SETD5: variants seen among roughly 807,000 people sequenced by gnomAD.
The protein encoded by SETD5 is histone-lysine N-methyltransferase SETD5.
Under a neutral mutation model 153.3 loss-of-function variants are expected in SETD5, and 44 were observed. The observed-to-expected ratio is 0.29, with a 90% CI of 0.23 to 0.37. SETD5 has a LOEUF of 0.37. Ranked by LOEUF, SETD5 falls within the 10% of genes least tolerant of loss-of-function variation. The pLI, the probability that SETD5 is intolerant of heterozygous loss-of-function variation, is 1.00. For synonymous variants in SETD5, 716 were observed against 645.2 expected, an observed-to-expected ratio of 1.11 and a Z score of -1.66; for missense variants, 1,544 against 1,768.0, an observed-to-expected ratio of 0.87 and a Z score of 2.27.
chr3:9,422,671 G>C (rs1486680679), intron 1 of SETD5, among the ~76,000 whole-genome samples: 2 of 152,168 alleles, frequency 1.3e-5, no homozygotes, highest in Admixed American at 6.5e-5. Flanking sequence ...TGAGAAAATG[G>C]CTTGTTCTTA....
In SETD5 at chr3:9,434,547, A is replaced by G. The variant is rs2040341684; in HGVS notation, c.329+62A>G. The G allele has an allele frequency of 5.6e-6, 9 of 1,605,538 alleles. No individual in the cohort carries two copies. Among genetic ancestry groups the G allele is most frequent in the Middle Eastern group, 3.4e-4 (2 of 5,864 alleles). Reference sequence around the variant, plus strand: ...GCTGGGATTAGGGTTTCTTACAAGTAGGGAAAAGCTCAAAGTATTCTTTCT... The same window carrying G: ...GCTGGGATTAGGGTTTCTTACAAGTGGGGAAAAGCTCAAAGTATTCTTTCT... On this transcript the variant is annotated intron_variant, in intron 5 of 22. Transcript: ENST00000402198. The surrounding 1 kb of genome is among the most constrained non-coding windows in gnomAD (Gnocchi z 5.6).
rs564008502 is a variant in SETD5 at position 9,474,702 on chromosome 3, A to G, written c.3631+120A>G. 53 of 1,387,134 alleles carry G rather than the reference A, an allele frequency of 3.8e-5. No individual in the cohort carries two copies. In the African/African-American group the frequency reaches 5.5e-4, roughly 14 times the overall value. 85.9% of individuals were successfully genotyped at this position (1,387,134 alleles called of 1,614,324 possible). A position where few individuals can be genotyped will look rare whatever the true frequency, so the allele number is the denominator to read the frequency against. On this transcript the variant is annotated intron_variant, in intron 21 of 22. Coordinates refer to ENST00000402198, the MANE Select transcript of SETD5 (RefSeq NM_001080517.3). ...TTCTGATGCAGTTGGGCTCCACCGC[A>G]TGCTAGGTTCCAGCCCACTTATGCT...
chr3:9,435,993 G>T, intron 7 of SETD5, 87 bp downstream of exon 7: 1 of 1,315,702 alleles, frequency 7.6e-7, no homozygotes, highest in Non-Finnish European at 1.0e-6. Flanking sequence ...CTTTTAAGAA[G>T]TTTGATCCAG....
chr3:9,433,048 A>G lies in SETD5; in HGVS notation c.72-797A>G, dbSNP rs529041899. ...TCTTCCCACTCTGTAAAAATGGAGT[A>G]TATACCATGTTTAGTGGTTGCTGAA... On this transcript the variant is annotated intron_variant, in intron 3 of 22. Transcript: ENST00000402198. Among the ~76,000 whole-genome samples, 46 of 152,352 alleles carry G rather than the reference A, an allele frequency of 3.0e-4. 1 individual carries two copies. The highest frequency in any genetic ancestry group is 6.8e-3 in the Middle Eastern group (2 of 294).
At chr3:9,411,693 A>G (rs542155015) in intron 1 of SETD5, among the ~76,000 whole-genome samples, 8 of 152,360 alleles carry the variant, frequency 5.3e-5, no homozygotes, top group African/African-American at 1.9e-4. Context: ...CAACATAAGC[A>G]TCCAGTAAAT....
chr3:9,425,051 G>GTTTATT (rs1559380190), intron 2 of SETD5, among the ~76,000 whole-genome samples: 1 of 91,454 alleles, frequency 1.1e-5, no homozygotes, highest in Non-Finnish European at 2.2e-5. Flanking sequence ...TACCGACAAT[G>GTTTATT]TTTCTTTTTT....
intron 1 of SETD5, among the ~76,000 whole-genome samples, chr3:9,420,775 C>T (rs2038256770): frequency 6.6e-6 from 1 of 151,996 alleles, no homozygotes; most frequent in Non-Finnish European, 1.5e-5. Context: ...TAGAGTTCAT[C>T]TCTTTGTTTT....
chr3:9,413,854 T>C (rs1025037067), intron 1 of SETD5, among the ~76,000 whole-genome samples: 11 of 152,114 alleles, frequency 7.2e-5, no homozygotes, highest in Non-Finnish European at 1.5e-4. Context: ...CTCTTCTCAC[T>C]GCAACCTCTG....
chr3:9,425,242 T>C (rs1333000289), intron 2 of SETD5, among the ~76,000 whole-genome samples: 1 of 151,782 alleles, frequency 6.6e-6, no homozygotes, highest in African/African-American at 2.4e-5. Context: ...TTTTGTATTT[T>C]TAGTAGAGAC....
chr3:9,436,771 G>C, intron 7 of SETD5: 1 of 1,298,426 alleles, frequency 7.7e-7, no homozygotes. Flanking sequence ...TTGTGCCTTA[G>C]TTTTAGTCTC....
intron 16 of SETD5, among the ~76,000 whole-genome samples, chr3:9,452,201 A>T (rs556635224): frequency 2.0e-5 from 3 of 152,364 alleles, no homozygotes; most frequent in African/African-American, 7.2e-5. Context: ...TTTTACAAGT[A>T]CATCTACTAG....
chr3:9,464,943 A>G (rs144510417), intron 18 of SETD5: 12 of 487,678 alleles, frequency 2.5e-5, no homozygotes, highest in East Asian at 2.3e-4. Context: ...AAGTTTAGGT[A>G]GTAAGCATGC....
rs2042273456 is a variant in SETD5 at position 9,448,581 on chromosome 3, G to C, written c.2297G>C (p.Arg766Thr). 1 of 1,611,026 alleles carries C rather than the reference G, an allele frequency of 6.2e-7. No homozygotes were observed. The highest frequency in any genetic ancestry group is 8.5e-7 in the Non-Finnish European group (1 of 1,177,862). ...IRFGSPFIPE[R>T]RRRPLLPDGT... ...TTTGGCTCACCCTTTATCCCTGAGA[G>C]ACGTCGAAGGCCCCTTCTGCCTGAT... The change falls in exon 16 of 23, where the codon AGA (arginine) becomes ACA (threonine). Residue 766 changes from arginine (R) to threonine (T), a missense_variant. Coordinates refer to ENST00000402198, the MANE Select transcript of SETD5 (RefSeq NM_001080517.3).
chr3:9,456,354 A>C (rs533020390), intron 17 of SETD5, among the ~76,000 whole-genome samples: 8 of 152,106 alleles, frequency 5.3e-5, no homozygotes, highest in African/African-American at 1.9e-4. Flanking sequence ...CGTACCTGTA[A>C]TCCCAGCTAT....
chr3:9,436,825 C>G lies in SETD5; in HGVS notation c.567+919C>G. On this transcript the variant is annotated intron_variant, in intron 7 of 22. Coordinates refer to ENST00000402198, the MANE Select transcript of SETD5 (RefSeq NM_001080517.3). Reference sequence around the variant, plus strand: ...TTCTTGGTACCAAGTTTTGTTTGTTCTACTTGTTTTCCTCCTTGGGATAGG... The same window carrying G: ...TTCTTGGTACCAAGTTTTGTTTGTTGTACTTGTTTTCCTCCTTGGGATAGG... The G allele has an allele frequency of 1.9e-6, 3 of 1,548,908 alleles. No homozygotes were observed. The South Asian group carries it at 3.6e-5, about 18-fold the overall frequency.
Position 9,453,624 on chromosome 3 carries a change from G to A in SETD5, c.2347-115G>A, listed in dbSNP as rs1052927095. On this transcript the variant is annotated intron_variant, in intron 16 of 22. Transcript: ENST00000402198. The stretch of plus-strand genomic sequence containing the variant: ...ACAAGACAATAAAATGCTTGACTGT[G>A]TAACTGAATTAGTGTGTTGAATTGT... 34 of 946,346 alleles carry A rather than the reference G, an allele frequency of 3.6e-5. No homozygotes were observed. The South Asian group carries it at 3.8e-4, about 11-fold the overall frequency. The allele number at this position is 946,346 out of a possible 1,614,324, so 58.6% of individuals were successfully genotyped here.
chr3:9,406,093 G>A (rs1280982651), intron 1 of SETD5, among the ~76,000 whole-genome samples: 1 of 152,112 alleles, frequency 6.6e-6, no homozygotes, highest in African/African-American at 2.4e-5. Flanking sequence ...ATTAACGTAG[G>A]CTGTTGAGAG....
At chr3:9,415,818 C>T (rs1184459105) in intron 1 of SETD5, among the ~76,000 whole-genome samples, 1 of 151,736 alleles carries the variant, frequency 6.6e-6, no homozygotes, top group Non-Finnish European at 1.5e-5. Context: ...CCTAAGTCAG[C>T]CTCCCAAAGC....
At chr3:9,465,848 T>C (rs1179795884) in intron 18 of SETD5, among the ~76,000 whole-genome samples, 1 of 152,236 alleles carries the variant, frequency 6.6e-6, no homozygotes, top group Non-Finnish European at 1.5e-5. Flanking sequence ...AACTTGACTT[T>C]GTCTACTTGC....
Sources: gnomAD v4.1 joint callset for allele counts (sites outside exome capture counted in the v4.1 genomes callset) on GRCh38, gnomAD v4.1.1 for gene constraint, Gnocchi (gnomAD v3.1) non-coding constraint, MANE v1.5 for transcripts, NCBI Gene and HGNC (gene_info 2026-07-23, HGNC 2026-07-21) for gene names.